Variants in CSMD1 observed in about 807,000 individuals in gnomAD.
CSMD1 encodes the protein CUB and sushi domain-containing protein 1.
Under a neutral mutation model 417.5 loss-of-function variants are expected in CSMD1, and 213 were observed. That is an observed-to-expected ratio of 0.51 (90% confidence interval 0.46 to 0.57). The LOEUF (loss-of-function observed/expected upper bound fraction) is 0.57. Among genes scored for constraint, CSMD1 ranks in the 20% least tolerant of loss-of-function variants. The pLI is 0.00. For synonymous variants in CSMD1, 2,862 were observed against 1,736.8 expected (o/e 1.65, Z -16.11); for missense variants, 6,923 against 4,529.7 (o/e 1.53, Z -15.17).
chr8:4,286,147 T>C (rs1797044528), intron 3 of CSMD1, among the ~76,000 whole-genome samples: 1 of 152,140 alleles, frequency 6.6e-6, no homozygotes, highest in South Asian at 2.1e-4. Flanking sequence ...TTTTACGTTC[T>C]TTCTGGTACC....
intron 3 of CSMD1, among the ~76,000 whole-genome samples, chr8:4,085,014 C>T (rs762039386): frequency 2.3e-4 from 28 of 122,322 alleles, no homozygotes; most frequent in Non-Finnish European, 4.3e-4. Flanking sequence ...TTAGATTTTT[C>T]CTTATGCAAA....
At chr8:4,858,262 T>C (rs1040128797) in intron 1 of CSMD1, among the ~76,000 whole-genome samples, 2 of 151,240 alleles carry the variant, frequency 1.3e-5, no homozygotes, top group African/African-American at 2.4e-5. Context: ...ATGGGACGTA[T>C]TTCAAAATAA....
chr8:3,472,101 T>C (rs898240527), intron 11 of CSMD1, among the ~76,000 whole-genome samples: 5 of 152,122 alleles, frequency 3.3e-5, no homozygotes, highest in African/African-American at 9.7e-5. Context: ...CCCTGGCTTG[T>C]TGTCATTGCT....
intron 1 of CSMD1, among the ~76,000 whole-genome samples, chr8:4,824,245 G>C (rs1409414208): frequency 1.3e-5 from 2 of 152,062 alleles, no homozygotes; most frequent in African/African-American, 2.4e-5. Context: ...AAGAGGGCTA[G>C]AGATCTCAAC....
chr8:4,253,744 C>A (rs1186675867), intron 3 of CSMD1, among the ~76,000 whole-genome samples: 1 of 148,674 alleles, frequency 6.7e-6, no homozygotes, highest in Non-Finnish European at 1.5e-5. Flanking sequence ...TCTGGTTGTT[C>A]AATTATATAC....
chr8:4,125,215 G>A (rs532249402), intron 3 of CSMD1, among the ~76,000 whole-genome samples: 4 of 152,174 alleles, frequency 2.6e-5, no homozygotes, highest in African/African-American at 9.7e-5. Flanking sequence ...GAAAGGTCGA[G>A]CTGGGAACTG....
At chr8:3,448,302 GGGAA>G (rs137876596) in intron 12 of CSMD1, among the ~76,000 whole-genome samples, 755 of 45,680 alleles carry the variant, frequency 0.017, 134 homozygotes, top group Middle Eastern at 0.079. Context: ...TGAAACTGGT[GGGAA>G]GGAAGGAAGG....
chr8:3,958,517 T>C (rs1036035051), intron 5 of CSMD1, among the ~76,000 whole-genome samples: 1 of 152,224 alleles, frequency 6.6e-6, no homozygotes, highest in Non-Finnish European at 1.5e-5. Context: ...TAGAAATGCA[T>C]TCTTCTGGGT....
chr8:3,414,463 C>T (rs536348145), intron 12 of CSMD1, among the ~76,000 whole-genome samples: 2 of 152,290 alleles, frequency 1.3e-5, no homozygotes, highest in East Asian at 3.9e-4. Context: ...AGTTCAGGTT[C>T]TCACCCCTCA....
At chr8:4,470,576 AAAT>A (rs1391932175) in intron 2 of CSMD1, among the ~76,000 whole-genome samples, 1 of 152,342 alleles carries the variant, frequency 6.6e-6, no homozygotes, top group Non-Finnish European at 1.5e-5. Context: ...ATGTACAACC[AAAT>A]AATATAACTG....
intron 51 of CSMD1, 125 bp from the exon 52 acceptor site, chr8:3,018,775 G>T: frequency 1.2e-6 from 1 of 843,758 alleles, no homozygotes; most frequent in Non-Finnish European, 1.8e-6. Context: ...TTTTCACTAA[G>T]AACATGGTTG....
At chr8:3,231,430 A>C (rs972642628) in intron 26 of CSMD1, among the ~76,000 whole-genome samples, 9 of 152,278 alleles carry the variant, frequency 5.9e-5, no homozygotes, top group African/African-American at 2.2e-4. Flanking sequence ...CCATTTTAAT[A>C]TTTGAAGCCT....
At chr8:4,500,089 A>G (rs1802180559) in intron 2 of CSMD1, among the ~76,000 whole-genome samples, 1 of 52,476 alleles carries the variant, frequency 1.9e-5, no homozygotes, top group Non-Finnish European at 4.3e-5. Flanking sequence ...AAGTTATACT[A>G]GGTGAAAAGG....
At chr8:4,914,345 G>C (rs1805909649) in intron 1 of CSMD1, among the ~76,000 whole-genome samples, 1 of 152,098 alleles carries the variant, frequency 6.6e-6, no homozygotes, top group African/African-American at 2.4e-5. Context: ...GGGAGACTGA[G>C]GCAGGCAGAT....
intron 18 of CSMD1, chr8:3,373,551 G>A (rs571281010): frequency 2.6e-5 from 4 of 152,320 alleles, no homozygotes; most frequent in African/African-American, 9.6e-5. Flanking sequence ...AAATTGAAGT[G>A]AGGAGATGAG....
intron 3 of CSMD1, among the ~76,000 whole-genome samples, chr8:4,278,108 C>T (rs1356213364): frequency 6.6e-6 from 1 of 152,126 alleles, no homozygotes; most frequent in African/African-American, 2.4e-5. Context: ...CTTTATGGTT[C>T]TCTTTCTCCT....
intron 5 of CSMD1, among the ~76,000 whole-genome samples, chr8:3,796,314 GATATCTATCATGTATAGATATAGATAT>G (rs1800124859): frequency 3.1e-5 from 2 of 64,128 alleles, no homozygotes; most frequent in South Asian, 5.0e-4. Context: ...TATAGATATA[GATATCTATCATGTATAGATATAGATAT>G]ATATCTATCA....
intron 5 of CSMD1, among the ~76,000 whole-genome samples, chr8:3,935,302 T>A (rs1810409121): frequency 6.6e-6 from 1 of 152,214 alleles, no homozygotes; most frequent in Non-Finnish European, 1.5e-5. Flanking sequence ...ACACTCCATA[T>A]CAGCATGAAA....
chr8:3,342,013 G>A (rs1381027425), intron 23 of CSMD1, among the ~76,000 whole-genome samples: 1 of 152,154 alleles, frequency 6.6e-6, no homozygotes, highest in Non-Finnish European at 1.5e-5. Context: ...ATCCTGGAAG[G>A]TAAAATTCTA....
Sources: gnomAD v4.1 joint callset for allele counts (sites outside exome capture counted in the v4.1 genomes callset) on GRCh38, gnomAD v4.1.1 for gene constraint, MANE v1.5 for transcripts, NCBI Gene and HGNC (gene_info 2026-07-23, HGNC 2026-07-21) for gene names.